The following NRXN3 variants were observed in gnomAD, a reference collection of about 807,000 sequenced individuals.
NRXN3 encodes the protein neurexin 3.
A neutral mutation model predicts 137.6 loss-of-function variants in NRXN3; 32 were observed. That is an observed-to-expected ratio of 0.23 (90% CI 0.18 to 0.31). The LOEUF is 0.31. Among genes scored for constraint, NRXN3 ranks in the 10% least tolerant of loss-of-function variants. The pLI is 1.00. For missense variants in NRXN3, 1,574 were observed against 2,062.5 expected (o/e 0.76, Z 4.59); for synonymous variants, 798 against 784.5 (o/e 1.02, Z -0.29).
At chr14:79,121,629 T>C (rs2055454232) in intron 15 of NRXN3, among the ~76,000 whole-genome samples, 1 of 152,210 alleles carries the variant, frequency 6.6e-6, no homozygotes, top group Non-Finnish European at 1.5e-5. Flanking sequence ...AGCAATACCC[T>C]ATATGCTGTG....
rs186792993 is a variant in NRXN3 at position 79,378,996 on chromosome 14, T to C, written c.3263-88225T>C. ...GACTAAAGAAGTACTTCATACGTTGTGTTATCTTTCTGCTCAGGTCACTGT... is the reference window on the plus strand; with the variant it reads ...GACTAAAGAAGTACTTCATACGTTGCGTTATCTTTCTGCTCAGGTCACTGT... On this transcript the variant is annotated intron_variant, in intron 15 of 20. Transcript: ENST00000335750. Among the ~76,000 whole-genome samples, 516 of 152,312 alleles carry C rather than the reference T, an allele frequency of 3.4e-3. 1 individual carries two copies. The highest frequency in any genetic ancestry group is 0.011 in the South Asian group (53 of 4,826).
At chr14:78,989,048 C>A (rs935916316) in intron 15 of NRXN3, among the ~76,000 whole-genome samples, 5 of 152,168 alleles carry the variant, frequency 3.3e-5, no homozygotes, top group Admixed American at 1.3e-4. Flanking sequence ...TAAAGATGAG[C>A]ACACACTTGA....
chr14:79,654,125 C>CAA (rs970224542), intron 16 of NRXN3, among the ~76,000 whole-genome samples: 11 of 152,068 alleles, frequency 7.2e-5, no homozygotes, highest in Non-Finnish European at 1.3e-4. Context: ...TTGAGAACTA[C>CAA]AAGTGAGAAA....
chr14:78,961,740 A>C (rs2099408559), intron 11 of NRXN3, among the ~76,000 whole-genome samples: 1 of 152,236 alleles, frequency 6.6e-6, no homozygotes, highest in Non-Finnish European at 1.5e-5. Flanking sequence ...ATGCAAAGTC[A>C]GGCAGTACAG....
chr14:79,815,199 GCTTTA>G (rs1228112768), intron 20 of NRXN3, among the ~76,000 whole-genome samples: 1 of 152,138 alleles, frequency 6.6e-6, no homozygotes, highest in African/African-American at 2.4e-5. Flanking sequence ...GCGATTTGAT[GCTTTA>G]CTTGGAAGGA....
intron 15 of NRXN3, among the ~76,000 whole-genome samples, chr14:79,415,217 G>T (rs772999405): frequency 1.3e-5 from 2 of 152,026 alleles, no homozygotes; most frequent in Non-Finnish European, 2.9e-5. Context: ...TCTATTCAAG[G>T]TACTGATTTC....
At chr14:79,262,182 TC>T (rs1324162791) in intron 15 of NRXN3, among the ~76,000 whole-genome samples, 1 of 152,098 alleles carries the variant, frequency 6.6e-6, no homozygotes, top group Non-Finnish European at 1.5e-5. Context: ...CTTGGGCCCC[TC>T]CTGCCCACAA....
intron 15 of NRXN3, among the ~76,000 whole-genome samples, chr14:79,115,281 C>T (rs1358426221): frequency 2.0e-5 from 3 of 148,926 alleles, no homozygotes; most frequent in African/African-American, 7.4e-5. Flanking sequence ...GCCGAGATTG[C>T]GCCATTGCAC....
At chr14:79,439,493 A>AT (rs2095897523) in intron 15 of NRXN3, among the ~76,000 whole-genome samples, 1 of 152,156 alleles carries the variant, frequency 6.6e-6, no homozygotes, top group Non-Finnish European at 1.5e-5. Flanking sequence ...AGACAAGACC[A>AT]TTTTTTGTTT....
chr14:78,967,814 A>G (rs2099423724), intron 13 of NRXN3, among the ~76,000 whole-genome samples: 2 of 152,164 alleles, frequency 1.3e-5, no homozygotes, highest in South Asian at 4.1e-4. Context: ...TAGTTTCTGT[A>G]TAGGTCGTGA....
At chr14:79,672,063 G>T (rs2098610554) in intron 17 of NRXN3, among the ~76,000 whole-genome samples, 2 of 152,034 alleles carry the variant, frequency 1.3e-5, no homozygotes, top group South Asian at 2.1e-4. Flanking sequence ...AGTAGCCAAA[G>T]ATATTATTTA....
At chr14:78,480,645 T>G (rs991737451) in intron 4 of NRXN3, among the ~76,000 whole-genome samples, 1 of 152,212 alleles carries the variant, frequency 6.6e-6, no homozygotes, top group African/African-American at 2.4e-5. Flanking sequence ...TAGCTAGGTA[T>G]AAGTGTAGGC....
At chr14:79,652,170 CACAA>C in intron 16 of NRXN3, among the ~76,000 whole-genome samples, 2 of 152,142 alleles carry the variant, frequency 1.3e-5, no homozygotes, top group East Asian at 3.9e-4. Flanking sequence ...TTTATTCAAA[CACAA>C]ACACACACAA....
At chr14:79,487,924 TC>T (rs1479230448) in intron 16 of NRXN3, among the ~76,000 whole-genome samples, 1 of 152,186 alleles carries the variant, frequency 6.6e-6, no homozygotes, top group Non-Finnish European at 1.5e-5. Context: ...ACAGAGCTCA[TC>T]ATGCAACAGG....
intron 15 of NRXN3, among the ~76,000 whole-genome samples, chr14:79,133,188 T>A (rs2127449): frequency 6.6e-6 from 1 of 152,196 alleles, no homozygotes; most frequent in African/African-American, 2.4e-5. Flanking sequence ...GATTATTGTC[T>A]TTTTCAGTTT....
At chr14:78,912,464 A>C (rs774864318) in intron 10 of NRXN3, among the ~76,000 whole-genome samples, 10 of 151,960 alleles carry the variant, frequency 6.6e-5, no homozygotes, top group Admixed American at 1.3e-4. Context: ...AGAAGTATTC[A>C]GTGATATAAT....
rs1215269346 is a variant in NRXN3 at position 79,640,325 on chromosome 14, T to C, written c.3445-23453T>C. On this transcript the variant is annotated intron_variant, in intron 16 of 20. Transcript: ENST00000335750. ...TATACAGCTATTTTCAGAAATTCTA[T>C]GATCTAAATGTTTTAGATTCAGGCA... Among the ~76,000 whole-genome samples the C allele has an allele frequency of 1.5e-5, 2 of 135,752 alleles. 1 individual carries two copies. Among genetic ancestry groups the C allele is most frequent in the Non-Finnish European group, 3.4e-5 (2 of 58,374 alleles). 89.1% of individuals were successfully genotyped at this position (135,752 alleles called of 152,430 possible).
chr14:79,062,315 A>G (rs1250092740), intron 15 of NRXN3, among the ~76,000 whole-genome samples: 1 of 152,018 alleles, frequency 6.6e-6, no homozygotes. Flanking sequence ...TTCTTTCATT[A>G]TGCTCAATGG....
At chr14:79,069,994 A>G (rs1429223589) in intron 15 of NRXN3, among the ~76,000 whole-genome samples, 2 of 152,056 alleles carry the variant, frequency 1.3e-5, no homozygotes, top group Non-Finnish European at 2.9e-5. Flanking sequence ...TTTCCTTTTT[A>G]CCTTTCCTTC....
Sources: gnomAD v4.1 joint callset for allele counts (sites outside exome capture counted in the v4.1 genomes callset) on GRCh38, gnomAD v4.1.1 for gene constraint, MANE v1.5 for transcripts, NCBI Gene and HGNC (gene_info 2026-07-23, HGNC 2026-07-21) for gene names.